Variants in DIPK1A observed in about 807,000 individuals in gnomAD.
DIPK1A encodes divergent protein kinase domain 1A.
A neutral mutation model predicts 40.8 loss-of-function variants in DIPK1A; 27 were observed. That is an observed-to-expected ratio of 0.66 (90% CI 0.49 to 0.91). The LOEUF (loss-of-function observed/expected upper bound fraction) is 0.91. Among genes scored for constraint, DIPK1A ranks in the 40% least tolerant of loss-of-function variants. The probability of loss-of-function intolerance (pLI) is 0.00; values close to 1 mark genes in which losing one functional copy is unlikely to be tolerated. For synonymous variants in DIPK1A, 166 were observed against 171.3 expected (o/e 0.97, Z 0.24); for missense variants, 412 against 505.7 (o/e 0.81, Z 1.78).
chr1:92,886,511 A>G (rs574509954), intron 1 of DIPK1A, among the ~76,000 whole-genome samples: 2 of 152,026 alleles, frequency 1.3e-5, no homozygotes, highest in African/African-American at 4.8e-5. Context: ...ATCCACTTAA[A>G]TATCAATTTT....
At chr1:92,867,766 A>G (rs1316169312) in intron 2 of DIPK1A, among the ~76,000 whole-genome samples, 1 of 152,282 alleles carries the variant, frequency 6.6e-6, no homozygotes, top group East Asian at 1.9e-4. Flanking sequence ...TCAGCCTCCC[A>G]AAGCACTGGG....
In DIPK1A at chr1:92,843,832, C is replaced by G; in HGVS notation, c.838G>C (p.Glu280Gln). The G allele has an allele frequency of 6.4e-7, 1 of 1,551,874 alleles. No homozygotes were observed. Among genetic ancestry groups the G allele is most frequent in the Non-Finnish European group, 8.7e-7 (1 of 1,147,054 alleles). ...CCGTAGGGGCCATGGAAAACATCTTCCACAAATTCTAGAAGTCCTATGGCT... is the reference window on the plus strand; with the variant it reads ...CCGTAGGGGCCATGGAAAACATCTTGCACAAATTCTAGAAGTCCTATGGCT... ...KIAIGLLEFV[E>Q]DVFHGPYGNF... The change falls in exon 5 of 5, where the codon GAA becomes CAA. Residue 280 changes from glutamate (E) to glutamine (Q), a missense_variant. By Grantham distance (29) the Glu-to-Gln change is conservative. Transcript: ENST00000370310.
intron 1 of DIPK1A, among the ~76,000 whole-genome samples, chr1:92,952,065 T>TAA (rs1185332444): frequency 5.3e-5 from 7 of 132,782 alleles, no homozygotes; most frequent in East Asian, 4.4e-4. Context: ...GGCCACTCTT[T>TAA]AAAAAAAAAA....
intron 2 of DIPK1A, among the ~76,000 whole-genome samples, chr1:92,875,162 G>A (rs1419937064): frequency 6.6e-6 from 1 of 151,590 alleles, no homozygotes; most frequent in Non-Finnish European, 1.5e-5. Flanking sequence ...CCAGGTTTCC[G>A]TCTTATGTTC....
chr1:92,945,535 G>A (rs964259740), intron 1 of DIPK1A, among the ~76,000 whole-genome samples: 2 of 152,098 alleles, frequency 1.3e-5, no homozygotes, highest in Non-Finnish European at 2.9e-5. Context: ...ATTTTAGGGG[G>A]TACTAAAATT....
At chr1:92,953,580 A>G (rs1651725754) in intron 1 of DIPK1A, among the ~76,000 whole-genome samples, 1 of 152,254 alleles carries the variant, frequency 6.6e-6, no homozygotes, top group Non-Finnish European at 1.5e-5. Context: ...ACCTTTAAAA[A>G]AGAAGGAAAT....
intron 2 of DIPK1A, among the ~76,000 whole-genome samples, chr1:92,870,416 G>A (rs188319538): frequency 7.0e-4 from 106 of 152,252 alleles, no homozygotes; most frequent in African/African-American, 2.5e-3. Context: ...AGCAGAGACG[G>A]GGTTTCACCA....
Position 92,842,205 on chromosome 1 carries a change from G to A in DIPK1A, c.*1178C>T, listed in dbSNP as rs1033607113. The A allele has an allele frequency of 6.0e-6, 6 of 1,006,024 alleles. No individual in the cohort carries two copies. The South Asian group carries it at 2.5e-4, about 43-fold the overall frequency. The allele number at this position is 1,006,024 out of a possible 1,614,324, so 62.3% of individuals were successfully genotyped here. On this transcript the variant is annotated 3_prime_UTR_variant, in exon 5 of 5. Transcript: ENST00000370310. ...CATTTATTATAACCAGATGATGAAT[G>A]GGAAAAGTACCTTAAAGTAAACAAA...
chr1:92,950,403 A>G (rs932261194), intron 1 of DIPK1A, among the ~76,000 whole-genome samples: 1 of 152,202 alleles, frequency 6.6e-6, no homozygotes, highest in African/African-American at 2.4e-5. Context: ...AGAACTCTGC[A>G]TAGACTCCTA....
At chr1:92,932,117 A>G in intron 1 of DIPK1A, 1 of 294,078 alleles carries the variant, frequency 3.4e-6, no homozygotes, top group Non-Finnish European at 7.2e-6. Context: ...TAAAGAATCT[A>G]CGAGCTCGCA....
chr1:92,872,364 G>A (rs577571812), intron 2 of DIPK1A, among the ~76,000 whole-genome samples: 7 of 152,048 alleles, frequency 4.6e-5, no homozygotes, highest in Admixed American at 2.0e-4. Flanking sequence ...TTACAGGTAC[G>A]AGCCACCATG....
chr1:92,936,589 A>G (rs577526496), intron 1 of DIPK1A, among the ~76,000 whole-genome samples: 1 of 151,328 alleles, frequency 6.6e-6, no homozygotes, highest in African/African-American at 2.4e-5. Flanking sequence ...AGATCACACC[A>G]CTGCACTCCA....
chr1:92,948,805 A>G (rs1028711525), intron 1 of DIPK1A, among the ~76,000 whole-genome samples: 7 of 146,014 alleles, frequency 4.8e-5, no homozygotes, highest in Non-Finnish European at 1.0e-4. Context: ...GTGTATATAT[A>G]TATATTTTTC....
At chr1:92,883,889 A>T (rs1463097575) in intron 1 of DIPK1A, among the ~76,000 whole-genome samples, 1 of 152,206 alleles carries the variant, frequency 6.6e-6, no homozygotes, top group Non-Finnish European at 1.5e-5. Context: ...GGATCAGCAA[A>T]GCAGGGTCTA....
intron 1 of DIPK1A, among the ~76,000 whole-genome samples, chr1:92,896,738 T>C (rs1649183405): frequency 6.6e-6 from 1 of 151,782 alleles, no homozygotes; most frequent in Non-Finnish European, 1.5e-5. Context: ...TGGGAGAAAA[T>C]TTTTGCAATC....
chr1:92,894,808 A>G (rs1312619726), intron 1 of DIPK1A, among the ~76,000 whole-genome samples: 2 of 152,150 alleles, frequency 1.3e-5, no homozygotes, highest in African/African-American at 4.8e-5. Context: ...GCAATAAAAA[A>G]TGATAAAGGG....
At chr1:92,905,936 T>C (rs1649602990) in intron 1 of DIPK1A, among the ~76,000 whole-genome samples, 1 of 152,170 alleles carries the variant, frequency 6.6e-6, no homozygotes. Flanking sequence ...TCACTGTAGA[T>C]GTATATATTT....
intron 1 of DIPK1A, among the ~76,000 whole-genome samples, chr1:92,929,227 G>A (rs1650646501): frequency 1.3e-5 from 2 of 152,192 alleles, no homozygotes; most frequent in South Asian, 4.1e-4. Flanking sequence ...TGCATAATAT[G>A]TTGTCATGAC....
In DIPK1A at chr1:92,835,500, GAA is replaced by G. The variant is rs560861965; in HGVS notation, c.475-2468_475-2467del. Among the ~76,000 whole-genome samples the G allele has an allele frequency of 2.9e-3, 372 of 129,296 alleles. 5 individuals carry two copies. The South Asian group carries it at 0.033, about 12-fold the overall frequency. The allele number at this position is 129,296 out of a possible 152,430, so 84.8% of individuals were successfully genotyped here. On this transcript the variant is annotated intron_variant, in intron 4 of 4. Transcript: ENST00000615519. The stretch of plus-strand genomic sequence containing the variant: ...AAGCCCTGTCTCTACTAAAAAAGTA[GAA>G]AAAAAAAAAAAGCCAGGCATGATGG...
Sources: allele counts gnomAD v4.1 joint callset (sites outside exome capture counted in the v4.1 genomes callset), GRCh38; gene constraint gnomAD v4.1.1; transcripts MANE v1.5; gene names NCBI Gene and HGNC (gene_info 2026-07-23, HGNC 2026-07-21).